ABLIM3: variants seen among roughly 807,000 people sequenced by gnomAD.
ABLIM3 encodes actin binding LIM protein family member 3.
A neutral mutation model predicts 109.5 loss-of-function variants in ABLIM3; 61 were observed. The ratio of observed to expected loss-of-function variants is 0.56; its 90% CI spans 0.45 to 0.69. ABLIM3 has a LOEUF of 0.69. Ranked by LOEUF, ABLIM3 falls within the 30% of genes least tolerant of loss-of-function variation. The probability of loss-of-function intolerance (pLI) is 0.00; values close to 1 mark genes in which losing one functional copy is unlikely to be tolerated. For synonymous variants in ABLIM3, 300 were observed against 324.8 expected (o/e 0.92, Z 0.82); for missense variants, 796 against 889.5 (o/e 0.89, Z 1.34).
intron 3 of ABLIM3, among the ~76,000 whole-genome samples, chr5:149,192,900 G>A (rs1757633455): frequency 6.6e-6 from 1 of 151,992 alleles, no homozygotes; most frequent in African/African-American, 2.4e-5. Context: ...AAAGAGAGGA[G>A]AACAAGTTAA....
intron 2 of ABLIM3, among the ~76,000 whole-genome samples, chr5:149,142,791 T>G (rs1027071893): frequency 1.3e-5 from 2 of 152,104 alleles, no homozygotes; most frequent in Non-Finnish European, 1.5e-5. Flanking sequence ...TGCTGCCAGG[T>G]AGGGCCTCAG....
chr5:149,175,283 A>G (rs762149590), intron 2 of ABLIM3, among the ~76,000 whole-genome samples: 4 of 152,146 alleles, frequency 2.6e-5, no homozygotes, highest in Non-Finnish European at 5.9e-5. Context: ...CTTTCCCTCT[A>G]TTCAGTGAGC....
In ABLIM3 at chr5:149,216,943, C is replaced by T. The variant is rs781162403; in HGVS notation, c.670-16C>T. On this transcript the variant is annotated splice_polypyrimidine_tract_variant and intron_variant, in intron 7 of 23. Transcript: ENST00000309868. ...CCCTGGCTCTGACCTCCTGTTTCAT[C>T]TTTTCATTTCCATAGGCAGGAGGGA... 9.9e-6 allele frequency: 16 copies of T among 1,612,590 alleles called. No individual in the cohort carries two copies. Among genetic ancestry groups the T allele is most frequent in the African/African-American group, 1.3e-5 (1 of 74,918 alleles).
chr5:149,186,936 C>T (rs567071606), intron 3 of ABLIM3, among the ~76,000 whole-genome samples: 67 of 151,482 alleles, frequency 4.4e-4, no homozygotes, highest in African/African-American at 1.6e-3. Flanking sequence ...AATATATAAT[C>T]TTTGAAATTA....
intron 2 of ABLIM3, among the ~76,000 whole-genome samples, chr5:149,153,662 T>G (rs1753634384): frequency 6.6e-6 from 1 of 152,192 alleles, no homozygotes; most frequent in Admixed American, 6.5e-5. Context: ...TGGAAGGACT[T>G]GAAACATGCT....
intron 3 of ABLIM3, among the ~76,000 whole-genome samples, chr5:149,185,184 G>T (rs1185876863): frequency 1.3e-5 from 2 of 152,146 alleles, no homozygotes; most frequent in African/African-American, 4.8e-5. Flanking sequence ...GATTCTCTGG[G>T]TTGGCTGGGA....
At chr5:149,165,145 T>A (rs903158685) in intron 2 of ABLIM3, among the ~76,000 whole-genome samples, 1 of 152,236 alleles carries the variant, frequency 6.6e-6, no homozygotes, top group African/African-American at 2.4e-5. Context: ...GGAAGGGGCC[T>A]TCAAGGTCAT....
chr5:149,191,473 T>G (rs571668018), intron 3 of ABLIM3, among the ~76,000 whole-genome samples: 3 of 152,288 alleles, frequency 2.0e-5, no homozygotes, highest in Admixed American at 6.5e-5. Flanking sequence ...AAATCAGCAT[T>G]GGAATCAAGT....
At chr5:149,163,768 A>G (rs912773421) in intron 2 of ABLIM3, among the ~76,000 whole-genome samples, 3 of 152,090 alleles carry the variant, frequency 2.0e-5, no homozygotes, top group African/African-American at 7.2e-5. Flanking sequence ...GGGGTGAGAG[A>G]GACAGGGACA....
At chr5:149,187,319 G>C (rs777264294) in intron 3 of ABLIM3, among the ~76,000 whole-genome samples, 3 of 152,146 alleles carry the variant, frequency 2.0e-5, no homozygotes, top group East Asian at 1.9e-4. Flanking sequence ...TCAAAGAGCC[G>C]ATCTTAAAAG....
At chr5:149,173,798 G>A (rs1241145733) in intron 2 of ABLIM3, among the ~76,000 whole-genome samples, 1 of 152,054 alleles carries the variant, frequency 6.6e-6, no homozygotes, top group African/African-American at 2.4e-5. Context: ...GAGGCGGGTG[G>A]ATCACGAGGT....
At chr5:149,187,070 A>G (rs1202393418) in intron 3 of ABLIM3, among the ~76,000 whole-genome samples, 1 of 152,202 alleles carries the variant, frequency 6.6e-6, no homozygotes, top group Non-Finnish European at 1.5e-5. Flanking sequence ...TGGTAAAAAT[A>G]AAAAAGAAGC....
intron 2 of ABLIM3, among the ~76,000 whole-genome samples, chr5:149,181,880 G>C (rs1343698208): frequency 6.6e-6 from 1 of 152,236 alleles, no homozygotes; most frequent in African/African-American, 2.4e-5. Context: ...TTAGTTTACA[G>C]TTCTGTTCCA....
At chr5:149,147,778 C>G (rs1365070663) in intron 2 of ABLIM3, among the ~76,000 whole-genome samples, 1 of 152,080 alleles carries the variant, frequency 6.6e-6, no homozygotes, top group Non-Finnish European at 1.5e-5. Flanking sequence ...GATGTGTGGT[C>G]TTCAGTATGG....
chr5:149,235,918 TG>T (rs2127553118), intron 10 of ABLIM3, among the ~76,000 whole-genome samples: 1 of 152,294 alleles, frequency 6.6e-6, no homozygotes, highest in South Asian at 2.1e-4. Context: ...GTTACCACAC[TG>T]GACCTAAAAA....
rs773037502 is a variant in ABLIM3, at chr5:149,258,297, C to A, written c.1945C>A (p.Leu649Met). ...CCTGCCCTGCCTCCTTCAGCGCCAC[C>A]TGTCCCAGGAAGAGTTCTACCAAGT... The part of the protein sequence containing the change: ...DVDRTRLERH[L>M]SQEEFYQVFG... Residue 649 changes from leucine to methionine, a missense_variant, in exon 24 of 24, where the codon CTG (leucine) becomes ATG (methionine). Coordinates refer to ENST00000309868, the MANE Select transcript of ABLIM3 (RefSeq NM_014945.5). 1 of 1,613,788 alleles carries A rather than the reference C, an allele frequency of 6.2e-7. No homozygotes were observed. The highest frequency in any genetic ancestry group is 1.1e-5 in the South Asian group (1 of 91,044).
At chr5:149,180,498 C>T (rs1756361836) in intron 2 of ABLIM3, among the ~76,000 whole-genome samples, 2 of 152,196 alleles carry the variant, frequency 1.3e-5, no homozygotes, top group Admixed American at 6.5e-5. Context: ...CTTCCATTGA[C>T]ACCCAGAGTT....
chr5:149,205,807 C>T (rs902947787), intron 5 of ABLIM3, among the ~76,000 whole-genome samples: 12 of 152,302 alleles, frequency 7.9e-5, no homozygotes, highest in South Asian at 2.1e-4. Flanking sequence ...AGCCAAGAGG[C>T]GGAGTACTGT....
intron 2 of ABLIM3, among the ~76,000 whole-genome samples, chr5:149,159,492 A>G (rs1271182901): frequency 6.6e-6 from 1 of 152,220 alleles, no homozygotes; most frequent in Non-Finnish European, 1.5e-5. Flanking sequence ...TTTAAAATCT[A>G]TATGTTTCAT....
Sources: gnomAD v4.1 joint callset for allele counts (sites outside exome capture counted in the v4.1 genomes callset) on GRCh38, gnomAD v4.1.1 for gene constraint, MANE v1.5 for transcripts, NCBI Gene and HGNC (gene_info 2026-07-23, HGNC 2026-07-21) for gene names.